The following ZNF813 variants were observed in gnomAD, a reference collection of about 807,000 sequenced individuals.
ZNF813 encodes zinc finger protein 813.
ZNF813 carries 3 observed loss-of-function variants against 7.2 expected under a neutral mutation model. The ratio of observed to expected loss-of-function variants is 0.42; its 90% CI spans 0.19 to 1.08. ZNF813 has a LOEUF of 1.08. Ranked by LOEUF, ZNF813 falls within the 50% of genes least tolerant of loss-of-function variation. ZNF813 has a pLI of 0.30. For synonymous variants in ZNF813, 227 were observed against 256.3 expected (o/e 0.89, Z 1.09); for missense variants, 714 against 753.3 (o/e 0.95, Z 0.61).
chr19:53,470,226 A>G (rs1262286208), intron 1 of ZNF813, among the ~76,000 whole-genome samples: 1 of 149,688 alleles, frequency 6.7e-6, no homozygotes, highest in Admixed American at 6.7e-5. Context: ...TCTGGAGCCC[A>G]TTCCTTTGGC....
chr19:53,490,042 A>G (rs2086451475), intron 3 of ZNF813, among the ~76,000 whole-genome samples: 1 of 152,204 alleles, frequency 6.6e-6, no homozygotes, highest in Non-Finnish European at 1.5e-5. Flanking sequence ...TGAAGAATAT[A>G]TACTTTTCAT....
At chr19:53,468,263 T>C (rs62115392) in intron 1 of ZNF813, among the ~76,000 whole-genome samples, 23,241 of 135,744 alleles carry the variant, frequency 0.17, 2,033 homozygotes, top group South Asian at 0.26. Flanking sequence ...CCCTGCTGCT[T>C]CCTAGGTCTC....
rs1555843288 is a variant in ZNF813, at chr19:53,482,719, T to TTTG, written c.-73-1029_-73-1028insGTT. On this transcript the variant is annotated intron_variant, in intron 1 of 3. Coordinates refer to ENST00000396403, the MANE Select transcript of ZNF813 (RefSeq NM_001004301.4). Reference sequence around the variant, plus strand: ...ACATCAGGAATGCTTTTTGTTTTTTTTTTTTTTTTTTTTTTTTTTTGAGAG... The same window carrying TTTG: ...ACATCAGGAATGCTTTTTGTTTTTTTTTGTTTTTTTTTTTTTTTTTTTTGAGAG... Among the ~76,000 whole-genome samples the TTTG allele has an allele frequency of 3.3e-4, 44 of 131,390 alleles. 1 individual carries two copies. The highest frequency in any genetic ancestry group is 1.2e-3 in the African/African-American group (39 of 33,770). 86.2% of individuals were successfully genotyped at this position (131,390 alleles called of 152,430 possible).
rs1165074677 is a variant in ZNF813 at position 53,491,526 on chromosome 19, C to T, written c.1294C>T (p.Leu432Phe). The change falls in exon 4 of 4, where the codon CTT (leucine) becomes TTT (phenylalanine). Residue 432 changes from leucine to phenylalanine, a missense_variant. By Grantham distance (22) the Leu-to-Phe change is conservative. Transcript: ENST00000396403. ...KKANLARHHR[L>F]HSGEKPYKCT... ...GGCAAACCTTGCACGTCATCATAGA[C>T]TTCATAGTGGAGAGAAACCCTACAA... 2 of 1,613,526 alleles carry T rather than the reference C, an allele frequency of 1.2e-6. No individual in the cohort carries two copies. The highest frequency in any genetic ancestry group is 2.7e-5 in the African/African-American group (2 of 74,818).
Position 53,492,065 on chromosome 19 carries a change from G to T in ZNF813, c.1833G>T (p.Glu611Asp). The T allele has an allele frequency of 1.2e-6, 2 of 1,612,486 alleles. No homozygotes were observed. The highest frequency in any genetic ancestry group is 1.7e-6 in the Non-Finnish European group (2 of 1,179,350). Residue 611 changes from glutamate to aspartate, a missense_variant, in exon 4 of 4, where the codon GAG becomes GAT. Transcript: ENST00000396403. ...HTGEKPYKFN[E>D]CGKAFN is the part of the protein sequence containing the mutation. ...GAGAGAAACCTTACAAGTTTAATGA[G>T]TGTGGCAAAGCTTTTAATTGAAAAG...
chr19:53,471,005 T>G (rs2617703), intron 1 of ZNF813, among the ~76,000 whole-genome samples: 2 of 151,966 alleles, frequency 1.3e-5, no homozygotes, highest in African/African-American at 4.8e-5. Context: ...TATGACTTAT[T>G]TTGTGCCCAG....
In ZNF813 at chr19:53,491,215, A is replaced by C. The variant is rs2086459538; in HGVS notation, c.983A>C (p.Lys328Thr). 1.2e-6 allele frequency: 2 copies of C among 1,613,294 alleles called. No individual in the cohort carries two copies. The highest frequency in any genetic ancestry group is 2.2e-5 in the South Asian group (2 of 91,006). ...ATTCATGCTGGAGAAAAACCATACA[A>C]GTGTAATGAATGTGGCAAGACCTTT... ...RRIHAGEKPY[K>T]CNECGKTFSQ... Residue 328 changes from lysine (K) to threonine (T), a missense_variant, in exon 4 of 4, where the codon AAG (lysine) becomes ACG (threonine). Lys to Thr is a moderately conservative substitution (Grantham distance 78, BLOSUM62 -1). This residue lies in a region of ZNF813 where 563 missense variants were observed against 554.2 expected (regional missense o/e 1.02). Transcript: ENST00000396403.
chr19:53,486,606 T>C, intron 2 of ZNF813, 26 bp from the exon 3 acceptor site: 1 of 1,614,006 alleles, frequency 6.2e-7, no homozygotes. Context: ...CCATAACAAT[T>C]TCCTTAAAAT....
intron 1 of ZNF813, among the ~76,000 whole-genome samples, chr19:53,468,229 C>CCCA (rs2086337747): frequency 7.8e-6 from 1 of 128,914 alleles, no homozygotes; most frequent in Non-Finnish European, 1.8e-5. Context: ...GCCCCCCCCC[C>CCCA]CCCACCTCCC....
chr19:53,469,888 A>G (rs1164870180), intron 1 of ZNF813, among the ~76,000 whole-genome samples: 4 of 151,796 alleles, frequency 2.6e-5, no homozygotes, highest in African/African-American at 4.8e-5. Context: ...GACTAGAGAG[A>G]CTGCTATGGG....
intron 1 of ZNF813, among the ~76,000 whole-genome samples, chr19:53,481,204 G>A (rs1475097371): frequency 1.3e-5 from 2 of 152,090 alleles, no homozygotes; most frequent in Non-Finnish European, 2.9e-5. Flanking sequence ...GCAAGTCTGG[G>A]CACATTCCAG....
intron 1 of ZNF813, chr19:53,479,895 A>C (rs527491178): frequency 9.8e-6 from 9 of 915,512 alleles, no homozygotes; most frequent in Admixed American, 1.7e-5. Flanking sequence ...AAAGAAGACA[A>C]ATGTGAGGAA....
intron 2 of ZNF813, 67 bp from the exon 3 acceptor site, chr19:53,486,565 T>C (rs2086434996): frequency 6.2e-7 from 1 of 1,612,736 alleles, no homozygotes; most frequent in Admixed American, 1.7e-5. Context: ...CTCTCTCCTC[T>C]TCTCATTTTC....
intron 1 of ZNF813, among the ~76,000 whole-genome samples, chr19:53,472,083 G>A (rs1250130318): frequency 6.6e-6 from 1 of 152,098 alleles, no homozygotes; most frequent in Admixed American, 6.6e-5. Context: ...GCTGGTCCGG[G>A]TTCCTTTTTG....
At chr19:53,489,893 G>T (rs951058361) in intron 3 of ZNF813, among the ~76,000 whole-genome samples, 1 of 152,066 alleles carries the variant, frequency 6.6e-6, no homozygotes, top group Non-Finnish European at 1.5e-5. Context: ...TACCTTTTCA[G>T]TGCTATGATT....
At chr19:53,476,168 T>C (rs1250611784) in intron 1 of ZNF813, among the ~76,000 whole-genome samples, 1 of 152,176 alleles carries the variant, frequency 6.6e-6, no homozygotes, top group Non-Finnish European at 1.5e-5. Flanking sequence ...GCTTTTTTGA[T>C]ATTTTGTAAC....
At position 53,491,933 on chromosome 19, in the gene ZNF813, A is replaced by G. The variant is rs376301713; in HGVS notation, c.1701A>G (p.Ala567=). ...GKVFNQKAHL[A]RHHRLHTGEK... is the part of the protein sequence containing the mutation. ...TTTTTAATCAAAAAGCACACCTTGC[A>G]CGTCACCATAGACTTCATACTGGAG... The change falls in exon 4 of 4, where the codon GCA becomes GCG. Residue 567 remains alanine, a synonymous_variant. Coordinates refer to ENST00000396403, the MANE Select transcript of ZNF813 (RefSeq NM_001004301.4). 200 of 1,611,186 alleles carry G rather than the reference A, an allele frequency of 1.2e-4. 3 individuals carry two copies. In the African/African-American group the frequency reaches 2.6e-3, roughly 21 times the overall value.
chr19:53,486,887 C>A, intron 3 of ZNF813, 129 bp downstream of exon 3: 2 of 1,511,580 alleles, frequency 1.3e-6, no homozygotes, highest in South Asian at 1.3e-5. Context: ...TGGCTCACTG[C>A]GATCTTGAAT....
chr19:53,484,786 A>G (rs1447450759), intron 2 of ZNF813, among the ~76,000 whole-genome samples: 3 of 152,214 alleles, frequency 2.0e-5, no homozygotes, highest in African/African-American at 4.8e-5. Context: ...GGCTGGTCTC[A>G]AACTGCTGAT....
Sources: gnomAD v4.1 joint callset for allele counts (sites outside exome capture counted in the v4.1 genomes callset) on GRCh38, gnomAD v4.1.1 for gene constraint, gnomAD v4.1.1 regional missense constraint, MANE v1.5 for transcripts, NCBI Gene and HGNC (gene_info 2026-07-23, HGNC 2026-07-21) for gene names.